OTUD7A: variants seen among roughly 807,000 people sequenced by gnomAD.
OTUD7A encodes OTU deubiquitinase 7A, also known as OTU domain-containing protein 7A.
In OTUD7A, 12 loss-of-function variants were observed where a neutral mutation model predicts 65.7. The ratio of observed to expected loss-of-function variants is 0.18; its 90% CI spans 0.12 to 0.30. The LOEUF is 0.30. Ranked by LOEUF, OTUD7A falls within the 10% of genes least tolerant of loss-of-function variation. The pLI, the probability that OTUD7A is intolerant of heterozygous loss-of-function variation, is 1.00. For missense variants in OTUD7A, 1,148 were observed against 1,304.8 expected (o/e 0.88, Z 1.85); for synonymous variants, 641 against 586.3 (o/e 1.09, Z -1.35).
intron 1 of OTUD7A, among the ~76,000 whole-genome samples, chr15:31,781,479 C>G (rs1442608144): frequency 2.1e-5 from 3 of 145,764 alleles, no homozygotes; most frequent in African/African-American, 7.3e-5. Flanking sequence ...CTGTCTGAAT[C>G]CAAGGTTGTA....
intron 3 of OTUD7A, among the ~76,000 whole-genome samples, chr15:31,573,781 G>T (rs1316037256): frequency 6.6e-6 from 1 of 152,316 alleles, no homozygotes; most frequent in Admixed American, 6.5e-5. Flanking sequence ...CACGCCTGTA[G>T]TCCCAGCTGC....
rs1184314125 is a variant in OTUD7A at position 31,483,951 on chromosome 15, G to T, written c.2145C>A (p.Arg715=). ...PETEGVPVPE[R]ASPGPPTQLV... ...GCTGCGTGGGTGGGCCCGGAGAGGCGCGCTCCGGGACCGGCACGCCCTCCG... is the reference window on the plus strand; with the variant it reads ...GCTGCGTGGGTGGGCCCGGAGAGGCTCGCTCCGGGACCGGCACGCCCTCCG... The change falls in exon 13 of 13, where the codon CGC becomes CGA. Residue 715 remains arginine, a synonymous_variant. Transcript: ENST00000307050. 1.8e-6 allele frequency: 2 copies of T among 1,121,412 alleles called. No individual in the cohort carries two copies. Among genetic ancestry groups the T allele is most frequent in the East Asian group, 7.2e-5 (1 of 13,856 alleles). 69.5% of individuals were successfully genotyped at this position (1,121,412 alleles called of 1,614,324 possible). A position where few individuals can be genotyped will look rare whatever the true frequency, so the allele number is the denominator to read the frequency against.
At chr15:31,738,911 C>A (rs1894264601) in intron 1 of OTUD7A, among the ~76,000 whole-genome samples, 1 of 152,198 alleles carries the variant, frequency 6.6e-6, no homozygotes. Flanking sequence ...ATTCCCACAC[C>A]ATGCCAGGAT....
At chr15:31,647,042 TA>T (rs1434882418) in intron 3 of OTUD7A, among the ~76,000 whole-genome samples, 1 of 152,218 alleles carries the variant, frequency 6.6e-6, no homozygotes, top group Admixed American at 6.5e-5. Context: ...TGTTTATTTT[TA>T]TTTTTTTTGA....
At position 31,527,318 on chromosome 15, in the gene OTUD7A, G is replaced by C. The variant is rs1460317422; in HGVS notation, c.653-10C>G. On this transcript the variant is annotated splice_polypyrimidine_tract_variant and intron_variant, in intron 6 of 12. Transcript: ENST00000307050. ...TGAAACCCCCACATTCCTGGAGCCA[G>C]GAGGCCAGGGAGAACAGAGGAGAGA... 1.9e-6 allele frequency: 3 copies of C among 1,613,630 alleles called. No homozygotes were observed. The highest frequency in any genetic ancestry group is 2.5e-6 in the Non-Finnish European group (3 of 1,179,758).
chr15:31,833,520 A>C (rs1896985193), intron 1 of OTUD7A, among the ~76,000 whole-genome samples: 1 of 152,260 alleles, frequency 6.6e-6, no homozygotes, highest in Admixed American at 6.5e-5. Flanking sequence ...ATAGCCTTGC[A>C]GCAAGTGGTA....
In OTUD7A at chr15:31,481,159, G is replaced by C. The variant is rs184406625; in HGVS notation, c.*2135C>G. On this transcript the variant is annotated 3_prime_UTR_variant, in exon 13 of 13. Transcript: ENST00000307050. ...CAGTTTTAGAAATTTCTGGTTGGCTGTTTTTACATTAAGAAATGAAAAAAA... is the reference window on the plus strand; with the variant it reads ...CAGTTTTAGAAATTTCTGGTTGGCTCTTTTTACATTAAGAAATGAAAAAAA... 30 of 152,172 alleles carry C rather than the reference G, an allele frequency of 2.0e-4. 1 individual carries two copies. The highest frequency in any genetic ancestry group is 1.9e-3 in the Admixed American group (29 of 15,290). 9.4% of individuals were successfully genotyped at this position (152,172 alleles called of 1,614,324 possible).
intron 1 of OTUD7A, among the ~76,000 whole-genome samples, chr15:31,800,141 G>A (rs1389730061): frequency 6.6e-6 from 1 of 152,116 alleles, no homozygotes; most frequent in Non-Finnish European, 1.5e-5. Flanking sequence ...AATAACACAA[G>A]GTACTCAGTG....
At chr15:31,687,238 A>G (rs1892859361) in intron 1 of OTUD7A, among the ~76,000 whole-genome samples, 1 of 152,054 alleles carries the variant, frequency 6.6e-6, no homozygotes, top group African/African-American at 2.4e-5. Flanking sequence ...CGAGAGCAGG[A>G]GGAGGAAGCC....
intron 3 of OTUD7A, among the ~76,000 whole-genome samples, chr15:31,631,520 C>T (rs553561036): frequency 1.3e-5 from 2 of 152,320 alleles, no homozygotes; most frequent in East Asian, 1.9e-4. Flanking sequence ...CTGCGCTTAA[C>T]ATTTTTTCCT....
At chr15:31,573,756 C>G (rs911717674) in intron 3 of OTUD7A, among the ~76,000 whole-genome samples, 1 of 152,162 alleles carries the variant, frequency 6.6e-6, no homozygotes, top group African/African-American at 2.4e-5. Context: ...CAAAAATTAC[C>G]TGGACATGGT....
intron 1 of OTUD7A, among the ~76,000 whole-genome samples, chr15:31,823,693 T>C (rs906533286): frequency 2.6e-5 from 4 of 152,206 alleles, no homozygotes; most frequent in African/African-American, 9.7e-5. Context: ...GAACTTCATT[T>C]CTCTGATTGC....
chr15:31,708,915 G>C (rs1353642405), intron 1 of OTUD7A, among the ~76,000 whole-genome samples: 1 of 151,470 alleles, frequency 6.6e-6, no homozygotes, highest in Non-Finnish European at 1.5e-5. Context: ...GCTGTTTCTG[G>C]GCCCAAGGCC....
chr15:31,565,106 A>G (rs1888823861), intron 4 of OTUD7A, among the ~76,000 whole-genome samples: 3 of 152,230 alleles, frequency 2.0e-5, no homozygotes, highest in South Asian at 4.1e-4. Flanking sequence ...TTCTAACTCA[A>G]TTATGGCTTT....
At chr15:31,494,919 A>G (rs1251636725) in intron 10 of OTUD7A, among the ~76,000 whole-genome samples, 1 of 152,198 alleles carries the variant, frequency 6.6e-6, no homozygotes, top group African/African-American at 2.4e-5. Context: ...AGTCCTCAGG[A>G]GCCTGGAGTG....
At chr15:31,500,822 A>G (rs2041456152) in intron 10 of OTUD7A, among the ~76,000 whole-genome samples, 1 of 152,236 alleles carries the variant, frequency 6.6e-6, no homozygotes, top group African/African-American at 2.4e-5. Context: ...ACTCTGAAAT[A>G]GTTGGTCTTG....
intron 5 of OTUD7A, among the ~76,000 whole-genome samples, chr15:31,544,412 T>A (rs77001258): frequency 4.6e-5 from 7 of 151,334 alleles, no homozygotes; most frequent in African/African-American, 7.3e-5. Context: ...ATAAGAGGTA[T>A]AGAGGGAAGG....
At chr15:31,816,724 ACTGAGACATTTACTACTT>A (rs1567038631) in intron 1 of OTUD7A, among the ~76,000 whole-genome samples, 4 of 152,014 alleles carry the variant, frequency 2.6e-5, no homozygotes, top group African/African-American at 9.7e-5. Flanking sequence ...TTAAACATAC[ACTGAGACATTTACTACTT>A]AAAAGAATCC....
intron 8 of OTUD7A, among the ~76,000 whole-genome samples, chr15:31,504,366 C>T (rs953208946): frequency 2.6e-5 from 4 of 152,130 alleles, no homozygotes; most frequent in East Asian, 1.9e-4. Context: ...GGAGGGGATG[C>T]GATGTGAATG....
Sources: allele counts gnomAD v4.1 joint callset (sites outside exome capture counted in the v4.1 genomes callset), GRCh38; gene constraint gnomAD v4.1.1; transcripts MANE v1.5; gene names NCBI Gene and HGNC (gene_info 2026-07-23, HGNC 2026-07-21).